The following HHLA2 variants were observed in gnomAD, a reference collection of about 807,000 sequenced individuals.
HHLA2 encodes the protein HERV-H LTR-associating protein 2.
HHLA2 carries 48 observed loss-of-function variants against 45.9 expected under a neutral mutation model. That is an observed-to-expected ratio of 1.05 (90% CI 0.83 to 1.33). The LOEUF (loss-of-function observed/expected upper bound fraction) is 1.33. HHLA2 is among the 40% of genes most tolerant of loss of function. The pLI is 0.00. For synonymous variants in HHLA2, 161 were observed against 173.9 expected (o/e 0.93, Z 0.59); for missense variants, 462 against 494.3 (o/e 0.93, Z 0.62).
At chr3:108,320,165 T>C (rs941823561) in intron 2 of HHLA2, among the ~76,000 whole-genome samples, 2 of 152,204 alleles carry the variant, frequency 1.3e-5, no homozygotes, top group African/African-American at 4.8e-5. Context: ...CCTAGAAGAA[T>C]TATTGGCTTA....
In HHLA2 at chr3:108,364,440, G is replaced by A. The variant is rs566181927; in HGVS notation, c.1108+1994G>A. On this transcript the variant is annotated intron_variant, in intron 8 of 10. Transcript: ENST00000619531. ...CCAAGTCTTTGCTATTGTGCATAGT[G>A]CTGCAATAAACATACATGTGCATGT... is the stretch of plus-strand genomic sequence containing the variant. 6.6e-5 allele frequency among the ~76,000 whole-genome samples: 10 copies of A among 152,282 alleles called. No homozygotes were observed. The East Asian group carries it at 1.9e-3, about 29-fold the overall frequency.
intron 2 of HHLA2, among the ~76,000 whole-genome samples, chr3:108,317,614 G>A (rs775814263): frequency 1.6e-3 from 223 of 143,708 alleles, no homozygotes; most frequent in Non-Finnish European, 2.8e-3. Context: ...TCACTCTGTT[G>A]CCCAGGCTGG....
chr3:108,348,113 G>A (rs185759920), intron 3 of HHLA2, among the ~76,000 whole-genome samples: 6 of 152,012 alleles, frequency 3.9e-5, no homozygotes, highest in Admixed American at 3.3e-4. Flanking sequence ...AGATGAACTC[G>A]CCTAAGGAGA....
intron 7 of HHLA2, among the ~76,000 whole-genome samples, chr3:108,359,591 T>G (rs2081954599): frequency 1.3e-5 from 2 of 152,354 alleles, no homozygotes; most frequent in African/African-American, 4.8e-5. Context: ...AAATAATCCT[T>G]GCTAAGTTCT....
intron 2 of HHLA2, among the ~76,000 whole-genome samples, chr3:108,311,389 G>T (rs932428302): frequency 1.3e-5 from 2 of 152,134 alleles, no homozygotes; most frequent in South Asian, 4.1e-4. Context: ...CTAACATTTT[G>T]AAAACATCAA....
chr3:108,305,444 A>G (rs2080914259), intron 1 of HHLA2, among the ~76,000 whole-genome samples: 1 of 152,220 alleles, frequency 6.6e-6, no homozygotes, highest in Non-Finnish European at 1.5e-5. Flanking sequence ...ACGGGAGGAA[A>G]GAAGATGGGG....
intron 6 of HHLA2, among the ~76,000 whole-genome samples, chr3:108,356,388 G>A (rs2081893086): frequency 6.6e-6 from 1 of 152,036 alleles, no homozygotes; most frequent in Admixed American, 6.6e-5. Flanking sequence ...CTTATAGGGG[G>A]AAAATGGAGG....
chr3:108,362,471 C>T (rs751408293), intron 8 of HHLA2, 25 bp downstream of exon 7: 2 of 1,430,166 alleles, frequency 1.4e-6, no homozygotes, highest in Admixed American at 3.6e-5. Context: ...TGGGCTCTGC[C>T]CCACGTGTTC....
chr3:108,371,887 A>C (rs1303161908), intron 8 of HHLA2, among the ~76,000 whole-genome samples: 4 of 152,210 alleles, frequency 2.6e-5, no homozygotes, highest in Non-Finnish European at 5.9e-5. Context: ...GGAGACTTTA[A>C]CACCCCACTG....
Position 108,351,830 on chromosome 3 carries a change from C to T in HHLA2, c.17C>T (p.Ala6Val), listed in dbSNP as rs1223551036. The T allele has an allele frequency of 2.5e-6, 4 of 1,612,806 alleles. No homozygotes were observed. The highest frequency in any genetic ancestry group is 2.7e-5 in the African/African-American group (2 of 74,904). ...GCACAAGACATGAAGGCACAGACAG[C>T]ACTGTCTTTCTTCCTCATTCTCATA... Residue 6 changes from alanine to valine, a missense_variant, in exon 4 of 11, where the codon GCA becomes GTA. Physicochemically the swap from Ala to Val is moderately conservative, Grantham distance 64. Around this residue, in one of 3 missense-constraint regions of HHLA2, gnomAD observed 335 missense variants for 367.4 expected, o/e 0.91. Transcript: ENST00000619531.
chr3:108,372,626 T>TA (rs2082199205), intron 8 of HHLA2, among the ~76,000 whole-genome samples: 1 of 151,762 alleles, frequency 6.6e-6, no homozygotes, highest in Non-Finnish European at 1.5e-5. Context: ...ATAGATGCAA[T>TA]AAAAAATGAT....
chr3:108,353,840 G>A (rs1423736045), intron 5 of HHLA2, 60 bp downstream of exon 4: 1 of 1,324,744 alleles, frequency 7.5e-7, no homozygotes, highest in Non-Finnish European at 1.0e-6. Flanking sequence ...TTATTAGTAA[G>A]CGTCTTTTTC....
chr3:108,351,977 G>A (rs1188333901), intron 4 of HHLA2, 100 bp downstream of exon 3: 15 of 733,774 alleles, frequency 2.0e-5, no homozygotes, highest in Middle Eastern at 2.4e-4. Flanking sequence ...CCACAGCATC[G>A]TGAACTTTCC....
At chr3:108,355,647 T>C (rs2081876466) in intron 6 of HHLA2, among the ~76,000 whole-genome samples, 1 of 152,180 alleles carries the variant, frequency 6.6e-6, no homozygotes, top group South Asian at 2.1e-4. Flanking sequence ...AGTGAAAACA[T>C]TCATGAAGTG....
intron 3 of HHLA2, among the ~76,000 whole-genome samples, chr3:108,329,013 A>C (rs150565249): frequency 2.6e-5 from 4 of 152,280 alleles, no homozygotes; most frequent in African/African-American, 4.8e-5. Context: ...CTCCACAATG[A>C]CTGCTCAGGC....
chr3:108,308,422 C>A (rs955883620), intron 1 of HHLA2, among the ~76,000 whole-genome samples: 1 of 152,206 alleles, frequency 6.6e-6, no homozygotes, highest in African/African-American at 2.4e-5. Context: ...TGTTGATGGA[C>A]ACTTACGTTG....
chr3:108,349,938 G>A (rs141585997), intron 3 of HHLA2, among the ~76,000 whole-genome samples: 1 of 152,180 alleles, frequency 6.6e-6, no homozygotes, highest in African/African-American at 2.4e-5. Context: ...AATGGACATG[G>A]AATGTTTCAG....
chr3:108,357,851 T>G (rs2081921460), exon 7 of HHLA2: 1 of 1,602,986 alleles, frequency 6.2e-7, no homozygotes, highest in Admixed American at 1.7e-5. Context: ...TAGATGGCCT[T>G]CATAAAATGC....
At chr3:108,323,413 T>C (rs2081238154) in intron 2 of HHLA2, among the ~76,000 whole-genome samples, 1 of 152,134 alleles carries the variant, frequency 6.6e-6, no homozygotes, top group East Asian at 1.9e-4. Context: ...TGTGTACCCA[T>C]AAAAATTTAA....
Sources: gnomAD v4.1 joint callset for allele counts (sites outside exome capture counted in the v4.1 genomes callset) on GRCh38, gnomAD v4.1.1 for gene constraint, gnomAD v4.1.1 regional missense constraint, MANE v1.5 for transcripts, NCBI Gene and HGNC (gene_info 2026-07-23, HGNC 2026-07-21) for gene names.